Variants in RNGTT observed in about 807,000 individuals in gnomAD.
RNGTT encodes mRNA-capping enzyme.
Under a neutral mutation model 79.3 loss-of-function variants are expected in RNGTT, and 33 were observed. That is an observed-to-expected ratio of 0.42 (90% confidence interval 0.32 to 0.56). The LOEUF (loss-of-function observed/expected upper bound fraction) is 0.56, where lower values mean the gene tolerates loss of function less well. Ranked by LOEUF, RNGTT falls within the 20% of genes least tolerant of loss-of-function variation. The pLI is 0.17. For missense variants in RNGTT, 497 were observed against 739.1 expected (o/e 0.67, Z 3.80); for synonymous variants, 222 against 235.9 (o/e 0.94, Z 0.54).
At chr6:88,730,916 A>G (rs1777091924) in intron 13 of RNGTT, among the ~76,000 whole-genome samples, 1 of 152,170 alleles carries the variant, frequency 6.6e-6, no homozygotes, top group Admixed American at 6.5e-5. Flanking sequence ...TGTCTCATCT[A>G]AGAGGCCAAA....
At chr6:88,752,289 T>A (rs1364743530) in intron 13 of RNGTT, among the ~76,000 whole-genome samples, 1 of 152,106 alleles carries the variant, frequency 6.6e-6, no homozygotes, top group African/African-American at 2.4e-5. Context: ...ATTTTAATAA[T>A]CAGAGCTATT....
intron 13 of RNGTT, among the ~76,000 whole-genome samples, chr6:88,689,414 C>T (rs2610755): frequency 0.26 from 39,970 of 151,592 alleles, 9,150 homozygotes; most frequent in African/African-American, 0.62. Context: ...ACCGATGTGG[C>T]GAAACCCCGT....
At chr6:88,812,286 A>C (rs1363544051) in intron 11 of RNGTT, among the ~76,000 whole-genome samples, 5 of 152,228 alleles carry the variant, frequency 3.3e-5, no homozygotes, top group African/African-American at 1.2e-4. Context: ...CCTATTTGAC[A>C]AGTTAGAAAA....
intron 11 of RNGTT, among the ~76,000 whole-genome samples, chr6:88,827,347 T>C (rs900153091): frequency 1.3e-5 from 2 of 152,082 alleles, no homozygotes; most frequent in Admixed American, 6.5e-5. Context: ...TGAGGGACAG[T>C]GCACTCAGGC....
chr6:88,768,955 T>C (rs1231543200), intron 13 of RNGTT, among the ~76,000 whole-genome samples: 1 of 152,158 alleles, frequency 6.6e-6, no homozygotes, highest in East Asian at 1.9e-4. Context: ...CCTACAAAAG[T>C]ATAGAAAATA....
chr6:88,810,876 C>T (rs947918436), intron 11 of RNGTT, among the ~76,000 whole-genome samples: 1 of 152,132 alleles, frequency 6.6e-6, no homozygotes, highest in South Asian at 2.1e-4. Flanking sequence ...TGACTGCCTT[C>T]CAATGCTAGA....
intron 11 of RNGTT, among the ~76,000 whole-genome samples, chr6:88,823,097 C>A (rs996237996): frequency 6.6e-6 from 1 of 152,084 alleles, no homozygotes; most frequent in African/African-American, 2.4e-5. Context: ...ATAAATCAAA[C>A]GAGTGAATTA....
chr6:88,637,810 A>G (rs966031430), intron 14 of RNGTT, among the ~76,000 whole-genome samples: 1 of 152,128 alleles, frequency 6.6e-6, no homozygotes, highest in African/African-American at 2.4e-5. Flanking sequence ...AAGAAATACT[A>G]TTTTTAAAAA....
intron 13 of RNGTT, among the ~76,000 whole-genome samples, chr6:88,744,131 A>G (rs1777581872): frequency 6.6e-6 from 1 of 152,214 alleles, no homozygotes; most frequent in South Asian, 2.1e-4. Flanking sequence ...AGCTTTCATG[A>G]GTTCATCATC....
intron 2 of RNGTT, among the ~76,000 whole-genome samples, chr6:88,929,817 C>T (rs1784429428): frequency 1.3e-5 from 2 of 150,900 alleles, no homozygotes; most frequent in Non-Finnish European, 2.9e-5. Flanking sequence ...TATATATATA[C>T]ATACATATAC....
intron 4 of RNGTT, among the ~76,000 whole-genome samples, chr6:88,925,198 A>C (rs529683662): frequency 7.9e-5 from 12 of 152,184 alleles, no homozygotes; most frequent in Admixed American, 3.9e-4. Flanking sequence ...TCAACTACTT[A>C]TTAGATGCAT....
intron 14 of RNGTT, among the ~76,000 whole-genome samples, chr6:88,615,696 T>C (rs564757017): frequency 9.9e-5 from 15 of 152,170 alleles, no homozygotes; most frequent in Non-Finnish European, 2.1e-4. Context: ...CTAACAGAAA[T>C]AAGTTTCTAA....
At chr6:88,757,302 G>A (rs1778053096) in intron 13 of RNGTT, among the ~76,000 whole-genome samples, 1 of 152,150 alleles carries the variant, frequency 6.6e-6, no homozygotes, top group Non-Finnish European at 1.5e-5. Context: ...TTAGTATCAA[G>A]CTAGGATGAA....
intron 14 of RNGTT, among the ~76,000 whole-genome samples, chr6:88,635,256 T>A (rs2756379): frequency 0.074 from 11,282 of 152,146 alleles, 1,458 homozygotes; most frequent in African/African-American, 0.26. Flanking sequence ...GTATATGCGA[T>A]GTTTATGTGT....
At chr6:88,720,884 A>G (rs1048130107) in intron 13 of RNGTT, among the ~76,000 whole-genome samples, 1 of 152,100 alleles carries the variant, frequency 6.6e-6, no homozygotes, top group Non-Finnish European at 1.5e-5. Context: ...AAAATTGCAA[A>G]TGTTAAGGAA....
chr6:88,632,366 T>A (rs563927777), intron 14 of RNGTT, among the ~76,000 whole-genome samples: 2 of 152,286 alleles, frequency 1.3e-5, no homozygotes, highest in South Asian at 4.1e-4. Flanking sequence ...GGTCCAGACT[T>A]GCAGCATCCC....
At chr6:88,666,496 G>C (rs1774412880) in intron 14 of RNGTT, among the ~76,000 whole-genome samples, 1 of 152,172 alleles carries the variant, frequency 6.6e-6, no homozygotes, top group African/African-American at 2.4e-5. Flanking sequence ...GACATCACTG[G>C]CTGACAAATG....
rs138021365 is a variant in RNGTT at position 88,833,018 on chromosome 6, G to A, written c.1269+11339C>T. ...CCATCATTGTGGAAGACAGTGTGGC[G>A]ATTCCTCAAGGATCTGGAACCATAA... On this transcript the variant is annotated intron_variant, in intron 11 of 15. Transcript: ENST00000369485. Among the ~76,000 whole-genome samples the A allele has an allele frequency of 4.6e-3, 702 of 152,278 alleles. 4 individuals are homozygous for A. The highest frequency in any genetic ancestry group is 0.016 in the African/African-American group (644 of 41,548).
At chr6:88,803,477 C>G (rs181126702) in intron 11 of RNGTT, among the ~76,000 whole-genome samples, 1 of 149,238 alleles carries the variant, frequency 6.7e-6, no homozygotes, top group African/African-American at 2.5e-5. Flanking sequence ...CTCACAAGGC[C>G]GAGGCAGGAG....
Sources: gnomAD v4.1 joint callset for allele counts (sites outside exome capture counted in the v4.1 genomes callset) on GRCh38, gnomAD v4.1.1 for gene constraint, MANE v1.5 for transcripts, NCBI Gene and HGNC (gene_info 2026-07-23, HGNC 2026-07-21) for gene names.